CACNG7: variants seen among roughly 807,000 people sequenced by gnomAD.
The protein encoded by CACNG7 is calcium voltage-gated channel auxiliary subunit gamma 7, also known as voltage-dependent calcium channel gamma-7 subunit.
Under a neutral mutation model 26.3 loss-of-function variants are expected in CACNG7, and 9 were observed. That is an observed-to-expected ratio of 0.34 (90% CI 0.21 to 0.60). The LOEUF is 0.60. Ranked by LOEUF, CACNG7 falls within the 20% of genes least tolerant of loss-of-function variation. The pLI, the probability that CACNG7 is intolerant of heterozygous loss-of-function variation, is 0.81. For synonymous variants in CACNG7, 170 were observed against 157.0 expected, an observed-to-expected ratio of 1.08 and a Z score of -0.62; for missense variants, 297 against 380.4, an observed-to-expected ratio of 0.78 and a Z score of 1.82.
At chr19:53,921,755 A>G (rs572115425) in intron 4 of CACNG7, among the ~76,000 whole-genome samples, 1 of 74,050 alleles carries the variant, frequency 1.4e-5, no homozygotes, top group South Asian at 4.9e-4. Context: ...CAGGTCTGGT[A>G]TTGGTGGAGT....
At chr19:53,932,870 TGTC>T (rs1351925574) in intron 4 of CACNG7, among the ~76,000 whole-genome samples, 6 of 151,068 alleles carry the variant, frequency 4.0e-5, no homozygotes, top group African/African-American at 1.2e-4. Flanking sequence ...GTTCCGCTCT[TGTC>T]GTCCAGGCAC....
Position 53,922,092 on chromosome 19 carries a change from T to C in CACNG7, c.424+6587T>C, listed in dbSNP as rs1365923982. Among the ~76,000 whole-genome samples, 10 of 99,052 alleles carry C rather than the reference T, an allele frequency of 1.0e-4. 1 individual carries two copies. The highest frequency in any genetic ancestry group is 4.8e-4 in the Admixed American group (5 of 10,424). 65.0% of individuals were successfully genotyped at this position (99,052 alleles called of 152,430 possible). A position where few individuals can be genotyped will look rare whatever the true frequency, so the allele number is the denominator to read the frequency against. On this transcript the variant is annotated intron_variant, in intron 4 of 5. Coordinates refer to ENST00000391767, the MANE Select transcript of CACNG7 (RefSeq NM_031896.5). Reference sequence around the variant, plus strand: ...CCCAGGTCTGGTATTGGTGGAGTTGTCCCCAGGCCTGGTCATTGGTGGAGT... The same window carrying C: ...CCCAGGTCTGGTATTGGTGGAGTTGCCCCCAGGCCTGGTCATTGGTGGAGT...
At chr19:53,914,444 C>G in intron 2 of CACNG7, 56 bp from the exon 3 acceptor site, 1 of 1,504,252 alleles carries the variant, frequency 6.6e-7, no homozygotes, top group Non-Finnish European at 9.2e-7. Context: ...CCACCCCCAG[C>G]CTCTCTAGAG....
In CACNG7 at chr19:53,942,738, C is replaced by G. The variant is rs541391231; in HGVS notation, c.*445C>G. On this transcript the variant is annotated 3_prime_UTR_variant, in exon 6 of 6. Coordinates refer to ENST00000391767, the MANE Select transcript of CACNG7 (RefSeq NM_031896.5). The surrounding 1 kb of genome is among the most constrained non-coding windows in gnomAD (Gnocchi z 5.9). Reference sequence around the variant, plus strand: ...GCAGCCGTCGGGAATACCGACCATCCTCTTCTCCCTTCTAACCTGGGCTTC... The same window carrying G: ...GCAGCCGTCGGGAATACCGACCATCGTCTTCTCCCTTCTAACCTGGGCTTC... The G allele has an allele frequency of 1.4e-5, 3 of 220,494 alleles. No individual in the cohort carries two copies. Among genetic ancestry groups the G allele is most frequent in the Admixed American group, 5.8e-5 (1 of 17,120 alleles). 13.7% of individuals were successfully genotyped at this position (220,494 alleles called of 1,614,324 possible). A position where few individuals can be genotyped will look rare whatever the true frequency, so the allele number is the denominator to read the frequency against.
rs1274433513 is a variant in CACNG7, at chr19:53,940,651, G to A, written c.425-819G>A. On this transcript the variant is annotated intron_variant, in intron 4 of 5. Transcript: ENST00000391767. This position sits in a 1 kb window ranked among gnomAD's most constrained non-coding sequence, Gnocchi z 4.1. ...CCTTTCTCTAACCTCATTTCTTGTG[G>A]CTACAGCTTATGTTACAGCTACATG... 6.6e-6 allele frequency among the ~76,000 whole-genome samples: 1 copy of A among 152,046 alleles called. No homozygotes were observed. The highest frequency in any genetic ancestry group is 2.4e-5 in the African/African-American group (1 of 41,396).
chr19:53,925,974 A>G (rs1162515499), intron 4 of CACNG7, among the ~76,000 whole-genome samples: 2 of 152,190 alleles, frequency 1.3e-5, no homozygotes, highest in Non-Finnish European at 2.9e-5. Flanking sequence ...AGGCATGTGC[A>G]TGCCTGTCCC....
At chr19:53,930,601 C>T (rs2069065328) in intron 4 of CACNG7, among the ~76,000 whole-genome samples, 2 of 152,094 alleles carry the variant, frequency 1.3e-5, no homozygotes, top group Non-Finnish European at 2.9e-5. Flanking sequence ...TCTTGAACTC[C>T]TGACCTCATG....
At chr19:53,919,702 C>A (rs529807451) in intron 4 of CACNG7, among the ~76,000 whole-genome samples, 147 of 127,566 alleles carry the variant, frequency 1.2e-3, no homozygotes, top group African/African-American at 4.3e-3. Context: ...CAGGTCTGGT[C>A]ATTGGTGGAG....
intron 1 of CACNG7, among the ~76,000 whole-genome samples, chr19:53,911,315 C>T (rs1288578580): frequency 6.6e-6 from 1 of 152,138 alleles, no homozygotes; most frequent in East Asian, 1.9e-4. Flanking sequence ...ATCCACCCAC[C>T]TCAGCCTCCC....
Position 53,915,548 on chromosome 19 carries a change from T to A in CACNG7, c.424+43T>A, listed in dbSNP as rs372819089. On this transcript the variant is annotated intron_variant, in intron 4 of 5. Coordinates refer to ENST00000391767, the MANE Select transcript of CACNG7 (RefSeq NM_031896.5). ...GGGGTTGGGGGGGACCATTTCCAGT[T>A]CCAGGGACCTGTGGTTCCTTTTCCA... 6.0e-5 allele frequency: 96 copies of A among 1,608,366 alleles called. No homozygotes were observed. The African/African-American group carries it at 1.2e-3, about 20-fold the overall frequency.
At chr19:53,915,750 G>A (rs2068893671) in intron 4 of CACNG7, among the ~76,000 whole-genome samples, 4 of 152,134 alleles carry the variant, frequency 2.6e-5, no homozygotes, top group Admixed American at 1.3e-4. Context: ...TCTCACACTC[G>A]CAACAACCTT....
intron 4 of CACNG7, among the ~76,000 whole-genome samples, chr19:53,919,741 G>A (rs1429679187): frequency 8.2e-6 from 1 of 122,698 alleles, no homozygotes; most frequent in Non-Finnish European, 1.6e-5. Flanking sequence ...TGGTGGAGTT[G>A]CCCAGGTCTG....
At chr19:53,937,494 C>T (rs1402517566) in intron 4 of CACNG7, among the ~76,000 whole-genome samples, 2 of 152,102 alleles carry the variant, frequency 1.3e-5, no homozygotes, top group African/African-American at 2.4e-5. Context: ...TCATATTTTT[C>T]ATTTGCATTT....
chr19:53,921,377 G>T (rs1475465565), intron 4 of CACNG7, among the ~76,000 whole-genome samples: 121 of 144,096 alleles, frequency 8.4e-4, no homozygotes, highest in African/African-American at 3.2e-3. Context: ...CCCAGGTCTG[G>T]TCATTGGTGG....
rs12104377 is a variant in CACNG7 at position 53,940,781 on chromosome 19, G to A, written c.425-689G>A. On this transcript the variant is annotated intron_variant, in intron 4 of 5. Transcript: ENST00000391767. This position sits in a 1 kb window ranked among gnomAD's most constrained non-coding sequence, Gnocchi z 4.1. ...TGGGCCTCATCCTTTAAGGCCGGGC[G>A]CGGTGGCTCAAACCTGTAATCTTAG... Among the ~76,000 whole-genome samples the A allele has an allele frequency of 0.022, 3,285 of 152,106 alleles. 126 individuals carry two copies. The highest frequency in any genetic ancestry group is 0.075 in the African/African-American group (3,107 of 41,460).
In CACNG7 at chr19:53,941,535, C is replaced by A; in HGVS notation, c.490C>A (p.Pro164Thr). ...CATCAACGACGAGGTCATGAACAGG[C>A]CCAGCAGCTCTGAGCAGTATTTTCA... Reference protein sequence around the residue: ...SSINDEVMNRPSSSEQYFHYR... With the variant: ...SSINDEVMNRTSSSEQYFHYR... Residue 164 changes from proline (P) to threonine (T), a missense_variant, in exon 5 of 6, where the codon CCC (proline) becomes ACC (threonine). Transcript: ENST00000391767. The A allele has an allele frequency of 6.2e-7, 1 of 1,605,538 alleles. No homozygotes were observed. The highest frequency in any genetic ancestry group is 2.2e-5 in the East Asian group (1 of 44,480).
chr19:53,920,308 G>C (rs2068932636), intron 4 of CACNG7, among the ~76,000 whole-genome samples: 1 of 116,948 alleles, frequency 8.6e-6, no homozygotes, highest in Non-Finnish European at 1.7e-5. Context: ...CCCAGGTCTG[G>C]TCATTGGTGG....
At chr19:53,917,356 A>C (rs930904862) in intron 4 of CACNG7, among the ~76,000 whole-genome samples, 1 of 152,206 alleles carries the variant, frequency 6.6e-6, no homozygotes, top group Non-Finnish European at 1.5e-5. Context: ...TGCATGTCTC[A>C]GCTCCATTCT....
intron 4 of CACNG7, among the ~76,000 whole-genome samples, chr19:53,931,814 T>C (rs1599995258): frequency 7.4e-6 from 1 of 135,760 alleles, no homozygotes; most frequent in South Asian, 2.4e-4. Flanking sequence ...CAGGTTGGAG[T>C]GCAGTGGCAC....
Sources: allele counts gnomAD v4.1 joint callset (sites outside exome capture counted in the v4.1 genomes callset), GRCh38; gene constraint gnomAD v4.1.1; non-coding constraint Gnocchi (gnomAD v3.1); transcripts MANE v1.5; gene names NCBI Gene and HGNC (gene_info 2026-07-23, HGNC 2026-07-21).